Variants in BCOR observed in about 807,000 individuals in gnomAD.
BCOR encodes BCL-6 corepressor.
BCOR carries 10 observed loss-of-function variants against 86.7 expected under a neutral mutation model. The ratio of observed to expected loss-of-function variants is 0.12; its 90% confidence interval spans 0.07 to 0.20. The LOEUF is 0.20. BCOR is among the 10% of genes least tolerant of loss of function. The pLI, the probability that BCOR is intolerant of heterozygous loss-of-function variation, is 1.00. For missense variants in BCOR, 1,259 were observed against 1,452.1 expected (o/e 0.87, Z 2.16); for synonymous variants, 611 against 609.0 (o/e 1.00, Z -0.05).
chrX:40,052,892 A>G (rs1934398352), intron 14 of BCOR, among the ~76,000 whole-genome samples: 1 of 111,731 alleles, frequency 9.0e-6, no homozygotes. Flanking sequence ...GGTGAGGCAG[A>G]GTAACTACTT....
upstream of BCOR, among the ~76,000 whole-genome samples, chrX:40,100,042 A>G (rs1366265991): frequency 8.9e-6 from 1 of 112,304 alleles, no homozygotes; most frequent in Non-Finnish European, 1.9e-5. Context: ...CACCTGGACT[A>G]TTATGCTGTA....
chrX:40,130,740 C>T (rs1037314820), intron 1 of BCOR, among the ~76,000 whole-genome samples: 1 of 112,231 alleles, frequency 8.9e-6, no homozygotes, highest in African/African-American at 3.2e-5. Context: ...GAGGGGCAAA[C>T]GACCCCCTCC....
intron 1 of BCOR, among the ~76,000 whole-genome samples, chrX:40,138,227 C>T (rs1270144716): frequency 8.9e-6 from 1 of 112,344 alleles, no homozygotes; most frequent in Non-Finnish European, 1.9e-5. Flanking sequence ...GCTGGGATTA[C>T]AGGCGTGAGT....
intron 1 of BCOR, among the ~76,000 whole-genome samples, chrX:40,161,972 A>G (rs753352783): frequency 1.1e-4 from 12 of 111,195 alleles, no homozygotes; most frequent in Non-Finnish European, 1.9e-4. Context: ...GTAGGGTGAC[A>G]CTCCTGTCCT....
chrX:40,134,239 A>G (rs1431035250), intron 1 of BCOR, among the ~76,000 whole-genome samples: 1 of 109,181 alleles, frequency 9.2e-6, no homozygotes, highest in Admixed American at 9.9e-5. Context: ...GGAGAGGGGA[A>G]GACGAGGACC....
chrX:40,152,407 G>A (rs1209994737), intron 1 of BCOR, among the ~76,000 whole-genome samples: 2 of 112,223 alleles, frequency 1.8e-5, no homozygotes, highest in Admixed American at 9.3e-5. Flanking sequence ...TGGCCCTGGC[G>A]CTGCGGAGGC....
intron 14 of BCOR, among the ~76,000 whole-genome samples, chrX:40,052,951 T>C (rs1402240711): frequency 1.8e-5 from 2 of 111,819 alleles, no homozygotes; most frequent in African/African-American, 6.5e-5. Flanking sequence ...GAGGACCATC[T>C]GAATAAGCCC....
chrX:40,109,337 T>A (rs1466399361), intron 1 of BCOR, among the ~76,000 whole-genome samples: 7 of 107,032 alleles, frequency 6.5e-5, no homozygotes, highest in Non-Finnish European at 1.4e-4. Flanking sequence ...CGAGATCCAC[T>A]TGTCAGGTCA....
At position 40,074,321 on chromosome X, in the gene BCOR, C is replaced by T. The variant is rs1935664072; in HGVS notation, c.1025G>A (p.Arg342Gln). 4 of 1,210,381 alleles carry T rather than the reference C, an allele frequency of 3.3e-6. No individual in the cohort carries two copies. The highest frequency in any genetic ancestry group is 3.0e-5 in the East Asian group (1 of 33,767). ...AGCAGGCTGGGTGGGAAGGTGGACTCGGGGTGACGGCCGAGGCGAGGGGGG... is the reference window on the plus strand; with the variant it reads ...AGCAGGCTGGGTGGGAAGGTGGACTTGGGGTGACGGCCGAGGCGAGGGGGG... ...LLPPSPRPSP[R>Q]VHLPTQPAAD... is the part of the protein sequence containing the mutation. Residue 342 changes from arginine to glutamine, a missense_variant, in exon 4 of 15, where the codon CGA becomes CAA. Arg to Gln is a conservative substitution (Grantham distance 43). This residue lies in a region of BCOR where 534 missense variants were observed against 594.8 expected (regional missense o/e 0.90). Coordinates refer to ENST00000378444, the MANE Select transcript of BCOR (RefSeq NM_001123385.2).
chrX:40,057,605 C>G (rs752028533), intron 10 of BCOR, among the ~76,000 whole-genome samples: 4 of 111,894 alleles, frequency 3.6e-5, no homozygotes, highest in Non-Finnish European at 7.5e-5. Context: ...GTAACAGCGC[C>G]TACCAGAGGC....
chrX:40,073,229 A>C lies in BCOR; in HGVS notation c.2117T>G (p.Leu706Arg). ...LAPKPGLPYG[L>R]PTGRPEFVTY... ...CACAAACTCTGGACGGCCGGTGGGA[A>C]GCCCATAGGGCAGCCCAGGCTTTGG... The change falls in exon 4 of 15, where the codon CTT becomes CGT. Residue 706 changes from leucine (L) to arginine (R), a missense_variant. By Grantham distance (102) the Leu-to-Arg change is moderately radical. Around this residue, in one of 7 missense-constraint regions of BCOR, gnomAD observed 534 missense variants for 594.8 expected, o/e 0.90. Transcript: ENST00000378444. The C allele has an allele frequency of 1.7e-6, 2 of 1,211,985 alleles. No homozygotes were observed. Among genetic ancestry groups the C allele is most frequent in the Non-Finnish European group, 2.2e-6 (2 of 895,547 alleles).
intron 1 of BCOR, among the ~76,000 whole-genome samples, chrX:40,151,174 GA>G (rs1256799439): frequency 8.9e-6 from 1 of 112,248 alleles, no homozygotes; most frequent in African/African-American, 3.2e-5. Flanking sequence ...AAACCAAGAG[GA>G]AAAGCATCCT....
In BCOR at chrX:40,072,475, C is replaced by T. The variant is rs773560546; in HGVS notation, c.2871G>A (p.Pro957=). 3.3e-6 allele frequency: 4 copies of T among 1,210,177 alleles called. No individual in the cohort carries two copies. Residue 957 remains proline (P), a synonymous_variant, in exon 4 of 15, where the codon CCG becomes CCA. Coordinates refer to ENST00000378444, the MANE Select transcript of BCOR (RefSeq NM_001123385.2). ...TTCTCTTTGCCAGCTTAGATGGCTT[C>T]GGTTTCAGAACTTTGCCATCATTTG... ...AESNDGKVLK[P]KPSKLAKRIA...
At chrX:40,104,346 G>A (rs1178174699) in intron 1 of BCOR, among the ~76,000 whole-genome samples, 2 of 112,081 alleles carry the variant, frequency 1.8e-5, no homozygotes, top group South Asian at 3.7e-4. Flanking sequence ...GGGAGAGAAA[G>A]GAAATCACAC....
At chrX:40,078,072 T>A (rs1375897466) in intron 1 of BCOR, 103 bp from the exon 2 acceptor site, 1 of 529,260 alleles carries the variant, frequency 1.9e-6, no homozygotes, top group South Asian at 2.6e-5. Flanking sequence ...AGGATGCAGA[T>A]GGGGAAGGCA....
chrX:40,085,975 G>A (rs1936340038), intron 1 of BCOR, among the ~76,000 whole-genome samples: 1 of 112,187 alleles, frequency 8.9e-6, no homozygotes. Context: ...GCATCTAGTT[G>A]ATGAAGTCAG....
chrX:40,097,804 C>T lies in BCOR; in HGVS notation c.-630G>A, dbSNP rs904839120. On this transcript the variant is annotated 5_prime_UTR_variant, in exon 1 of 15. Coordinates refer to ENST00000378444, the MANE Select transcript of BCOR (RefSeq NM_001123385.2). Reference sequence around the variant, plus strand: ...CTTGGGCTCTCCGCCCGGCGGCTCGCGGGCTCCCCCTCCGCCGCCGCCGCC... The same window carrying T: ...CTTGGGCTCTCCGCCCGGCGGCTCGTGGGCTCCCCCTCCGCCGCCGCCGCC... 7.3e-5 allele frequency among the ~76,000 whole-genome samples: 8 copies of T among 109,630 alleles called. No individual in the cohort carries two copies. The highest frequency in any genetic ancestry group is 1.6e-4 in the African/African-American group (5 of 30,355).
At position 40,057,290 on chromosome X, in the gene BCOR, A is replaced by G; in HGVS notation, c.4460T>C (p.Ile1487Thr). 8.3e-7 allele frequency: 1 copy of G among 1,211,709 alleles called. No homozygotes were observed. The highest frequency in any genetic ancestry group is 1.7e-5 in the African/African-American group (1 of 57,869). The stretch of plus-strand genomic sequence containing the variant: ...GTTGTCCCGATGATTTACATCACAA[A>G]TCTTGTTCTCTAAGCAGTACAGGAC... ...EVVLYCLENK[I>T]CDVNHRDNAG... Residue 1487 changes from isoleucine to threonine, a missense_variant, in exon 11 of 15, where the codon ATT becomes ACT. Physicochemically the swap from Ile to Thr is moderately conservative, Grantham distance 89 (BLOSUM62 -1). This residue lies in a region of BCOR where 47 missense variants were observed against 102.1 expected (regional missense o/e 0.46). Transcript: ENST00000378444.
At position 40,074,345 on chromosome X, in the gene BCOR, G is replaced by A. The variant is rs2147255587; in HGVS notation, c.1001C>T (p.Pro334Leu). Residue 334 changes from proline to leucine, a missense_variant, in exon 4 of 15, where the codon CCC becomes CTC. Coordinates refer to ENST00000378444, the MANE Select transcript of BCOR (RefSeq NM_001123385.2). ...GLPGDTALLL[P>L]PSPRPSPRVH... Reference sequence around the variant, plus strand: ...TCGGGGTGACGGCCGAGGCGAGGGGGGCAACAGGAGAGCTGTGTCCCCCGG... The same window carrying A: ...TCGGGGTGACGGCCGAGGCGAGGGGAGCAACAGGAGAGCTGTGTCCCCCGG... 1.7e-6 allele frequency: 2 copies of A among 1,211,604 alleles called. No individual in the cohort carries two copies. Among genetic ancestry groups the A allele is most frequent in the South Asian group, 1.8e-5 (1 of 56,893 alleles).
Sources: gnomAD v4.1 joint callset for allele counts (sites outside exome capture counted in the v4.1 genomes callset) on GRCh38, gnomAD v4.1.1 for gene constraint, gnomAD v4.1.1 regional missense constraint, MANE v1.5 for transcripts, NCBI Gene and HGNC (gene_info 2026-07-23, HGNC 2026-07-21) for gene names.